GABBR2: variants seen among roughly 807,000 people sequenced by gnomAD.
The protein encoded by GABBR2 is G-protein coupled receptor 51.
In GABBR2, 23 loss-of-function variants were observed where a neutral mutation model predicts 105.6. That is an observed-to-expected ratio of 0.22 (90% CI 0.16 to 0.31). The LOEUF is 0.31. Ranked by LOEUF, GABBR2 falls within the 10% of genes least tolerant of loss-of-function variation. The pLI is 1.00. For missense variants in GABBR2, 734 were observed against 1,245.5 expected (o/e 0.59, Z 6.18); for synonymous variants, 478 against 499.7 (o/e 0.96, Z 0.58).
chr9:98,571,957 C>G (rs1477766718), intron 2 of GABBR2, among the ~76,000 whole-genome samples: 2 of 152,218 alleles, frequency 1.3e-5, no homozygotes, highest in African/African-American at 4.8e-5. Flanking sequence ...CTCCCTCCTC[C>G]CCAGTGCCCC....
chr9:98,461,988 C>T (rs1359658985), intron 6 of GABBR2, among the ~76,000 whole-genome samples: 2 of 152,184 alleles, frequency 1.3e-5, no homozygotes, highest in African/African-American at 2.4e-5. Flanking sequence ...CCCATGATCC[C>T]ATCACTTCTC....
intron 1 of GABBR2, among the ~76,000 whole-genome samples, chr9:98,619,869 G>T (rs1347169892): frequency 1.3e-5 from 2 of 152,180 alleles, no homozygotes; most frequent in Non-Finnish European, 2.9e-5. Context: ...AGAAAGGAGG[G>T]TTCATCTGTG....
chr9:98,417,727 C>T (rs1196165772), intron 7 of GABBR2, among the ~76,000 whole-genome samples: 1 of 151,920 alleles, frequency 6.6e-6, no homozygotes, highest in Non-Finnish European at 1.5e-5. Flanking sequence ...ACAGAGATGA[C>T]AGAATTTTTT....
chr9:98,541,821 G>C, intron 3 of GABBR2, 52 bp downstream of exon 3: 1 of 1,562,700 alleles, frequency 6.4e-7, no homozygotes, highest in Non-Finnish European at 8.8e-7. Flanking sequence ...CCTTTTGCTA[G>C]ATGACAGCAG....
At chr9:98,628,257 C>T (rs1320459708) in intron 1 of GABBR2, among the ~76,000 whole-genome samples, 4 of 152,188 alleles carry the variant, frequency 2.6e-5, no homozygotes, top group African/African-American at 9.7e-5. Context: ...GAACTAGAAG[C>T]TTGTGCTGAC....
intron 7 of GABBR2, among the ~76,000 whole-genome samples, chr9:98,448,579 G>A (rs1311490663): frequency 1.3e-5 from 2 of 152,086 alleles, no homozygotes; most frequent in East Asian, 3.9e-4. Flanking sequence ...ACCATGCCCG[G>A]CTAAATTTTG....
intron 17 of GABBR2, among the ~76,000 whole-genome samples, chr9:98,298,176 C>A (rs1830412717): frequency 6.6e-6 from 1 of 152,010 alleles, no homozygotes; most frequent in Non-Finnish European, 1.5e-5. Context: ...AATGCATTCA[C>A]ACACACATGT....
At chr9:98,520,720 A>G (rs1452955807) in intron 3 of GABBR2, among the ~76,000 whole-genome samples, 8 of 152,236 alleles carry the variant, frequency 5.3e-5, no homozygotes, top group African/African-American at 1.4e-4. Flanking sequence ...CTTAAAGGGC[A>G]TAACTTTGGC....
chr9:98,604,387 TC>T (rs1829382505), intron 1 of GABBR2, among the ~76,000 whole-genome samples: 1 of 152,202 alleles, frequency 6.6e-6, no homozygotes, highest in Non-Finnish European at 1.5e-5. Flanking sequence ...GTTCTCAGTG[TC>T]TTGGTCTCTG....
intron 1 of GABBR2, among the ~76,000 whole-genome samples, chr9:98,701,108 A>G (rs976029335): frequency 7.9e-5 from 12 of 152,190 alleles, no homozygotes; most frequent in African/African-American, 2.9e-4. Context: ...CCAGCTTGCT[A>G]ATTTCCCTGC....
chr9:98,637,936 A>G (rs1439388067), intron 1 of GABBR2, among the ~76,000 whole-genome samples: 1 of 152,250 alleles, frequency 6.6e-6, no homozygotes. Flanking sequence ...AACATACTAT[A>G]TACTGGATAG....
chr9:98,315,144 G>A (rs1037187360), intron 13 of GABBR2, among the ~76,000 whole-genome samples: 10 of 152,046 alleles, frequency 6.6e-5, no homozygotes, highest in Non-Finnish European at 1.3e-4. Context: ...CTGACCTCTC[G>A]GAATCTTGAA....
intron 1 of GABBR2, among the ~76,000 whole-genome samples, chr9:98,668,685 C>A (rs551680983): frequency 6.6e-6 from 1 of 152,196 alleles, no homozygotes; most frequent in African/African-American, 2.4e-5. Flanking sequence ...ATTCTCCCTC[C>A]TTCTCTGCAG....
intron 7 of GABBR2, among the ~76,000 whole-genome samples, chr9:98,410,120 A>G (rs746313305): frequency 6.8e-6 from 1 of 147,270 alleles, no homozygotes; most frequent in Non-Finnish European, 1.5e-5. Flanking sequence ...TTGAGCTGGA[A>G]TTTTTTTTTT....
chr9:98,553,576 A>G (rs13290406), intron 2 of GABBR2, among the ~76,000 whole-genome samples: 22,976 of 152,118 alleles, frequency 0.15, 2,220 homozygotes, highest in Middle Eastern at 0.26. Context: ...TGGGTGACAG[A>G]GGAGACCCCT....
intron 8 of GABBR2, among the ~76,000 whole-genome samples, chr9:98,405,089 G>A (rs374061519): frequency 2.0e-5 from 3 of 152,082 alleles, no homozygotes; most frequent in African/African-American, 4.8e-5. Context: ...AGATGAGATC[G>A]TGTCTAGGAG....
chr9:98,618,760 C>T (rs1176970980), intron 1 of GABBR2, among the ~76,000 whole-genome samples: 1 of 152,192 alleles, frequency 6.6e-6, no homozygotes, highest in Non-Finnish European at 1.5e-5. Flanking sequence ...TTGCTAAGTG[C>T]TCCTCACTCC....
At chr9:98,621,525 T>C (rs890170682) in intron 1 of GABBR2, among the ~76,000 whole-genome samples, 2 of 152,178 alleles carry the variant, frequency 1.3e-5, no homozygotes, top group East Asian at 1.9e-4. Flanking sequence ...CAGAAAGGCA[T>C]GCTGTGAACT....
intron 1 of GABBR2, among the ~76,000 whole-genome samples, chr9:98,706,737 T>C (rs745501103): frequency 3.9e-5 from 6 of 152,198 alleles, no homozygotes; most frequent in African/African-American, 7.2e-5. Context: ...AGGGCTGCCC[T>C]ATCTAAAAAT....
Sources: allele counts gnomAD v4.1 joint callset (sites outside exome capture counted in the v4.1 genomes callset), GRCh38; gene constraint gnomAD v4.1.1; transcripts MANE v1.5; gene names NCBI Gene and HGNC (gene_info 2026-07-23, HGNC 2026-07-21).